The following LINGO2 variants were observed in gnomAD, a reference collection of about 807,000 sequenced individuals.
LINGO2 encodes the protein leucine rich repeat and Ig domain containing 2.
Under a neutral mutation model 30.6 loss-of-function variants are expected in LINGO2, and 14 were observed. The ratio of observed to expected loss-of-function variants is 0.46; its 90% CI spans 0.30 to 0.72. The LOEUF (loss-of-function observed/expected upper bound fraction) is 0.72. Ranked by LOEUF, LINGO2 falls within the 30% of genes least tolerant of loss-of-function variation. LINGO2 has a pLI of 0.07. For synonymous variants in LINGO2, 317 were observed against 288.5 expected (o/e 1.10, Z -1.00); for missense variants, 729 against 751.7 (o/e 0.97, Z 0.35).
chr9:28,617,735 T>A lies in LINGO2; in HGVS notation c.-365+52465A>T, dbSNP rs74520956. Among the ~76,000 whole-genome samples the A allele has an allele frequency of 3.3e-5, 5 of 152,188 alleles. No individual in the cohort carries two copies. In the South Asian group the frequency reaches 6.2e-4, roughly 19 times the overall value. On this transcript the variant is annotated intron_variant, in intron 1 of 5. Coordinates refer to ENST00000379992, the Ensembl canonical transcript of LINGO2. The stretch of plus-strand genomic sequence containing the variant: ...CCTGTTTTCATCTTTACTTTTTTTT[T>A]ATTTTCATAATTACAACCTTACGTA...
At chr9:28,158,790 A>C (rs990067447) in intron 4 of LINGO2, among the ~76,000 whole-genome samples, 4 of 152,214 alleles carry the variant, frequency 2.6e-5, no homozygotes, top group Non-Finnish European at 5.9e-5. Flanking sequence ...TCACAGGGGA[A>C]GAATCTGACT....
Position 28,575,603 on chromosome 9 carries a change from C to T in LINGO2, c.-365+94597G>A, listed in dbSNP as rs143816056. Among the ~76,000 whole-genome samples the T allele has an allele frequency of 1.4e-3, 215 of 151,916 alleles. 9 individuals carry two copies. The East Asian group carries it at 0.035, about 25-fold the overall frequency. ...TAACTTTTGTATACTATGCCCGCTA[C>T]CTGGGTGACAGGACCACTCATACAC... On this transcript the variant is annotated intron_variant, in intron 1 of 5. Coordinates refer to ENST00000379992, the Ensembl canonical transcript of LINGO2.
At chr9:28,114,076 A>G (rs1361415019) in intron 4 of LINGO2, among the ~76,000 whole-genome samples, 9 of 42,156 alleles carry the variant, frequency 2.1e-4, no homozygotes, top group East Asian at 1.7e-3. Context: ...ATTATTTTGA[A>G]ATATGTCCCA....
the LINGO2 span, among the ~76,000 whole-genome samples, chr9:29,183,310 G>C: frequency 6.6e-6 from 1 of 152,272 alleles, no homozygotes; most frequent in South Asian, 2.1e-4. Flanking sequence ...AATGAACAGT[G>C]AAAGAACTAT....
chr9:28,656,898 T>C (rs1213207719), intron 1 of LINGO2, among the ~76,000 whole-genome samples: 1 of 152,050 alleles, frequency 6.6e-6, no homozygotes, highest in East Asian at 1.9e-4. Flanking sequence ...CTCTCTCTCC[T>C]AGATCGTGCA....
chr9:28,657,060 A>G (rs1212794934), intron 1 of LINGO2, among the ~76,000 whole-genome samples: 2 of 152,124 alleles, frequency 1.3e-5, no homozygotes, highest in Non-Finnish European at 2.9e-5. Context: ...GAAGATAACC[A>G]TACATAAAGA....
the LINGO2 span, among the ~76,000 whole-genome samples, chr9:28,811,683 T>C: frequency 6.6e-6 from 1 of 152,174 alleles, no homozygotes; most frequent in South Asian, 2.1e-4. Flanking sequence ...GACTGCTTTG[T>C]TATCATTCTA....
At chr9:28,123,411 C>A (rs142120101) in intron 4 of LINGO2, among the ~76,000 whole-genome samples, 15 of 152,272 alleles carry the variant, frequency 9.9e-5, no homozygotes, top group African/African-American at 3.4e-4. Context: ...CAGTGTCTTC[C>A]TGTTTCTTTC....
At chr9:28,779,847 TA>T in the LINGO2 span, among the ~76,000 whole-genome samples, 1 of 152,148 alleles carries the variant, frequency 6.6e-6, no homozygotes, top group African/African-American at 2.4e-5. Context: ...GATGGCATGT[TA>T]TAGAACCATT....
chr9:28,009,605 GA>G (rs1440599368), intron 5 of LINGO2, among the ~76,000 whole-genome samples: 4 of 151,918 alleles, frequency 2.6e-5, no homozygotes, highest in Non-Finnish European at 5.9e-5. Flanking sequence ...CTAAACACAT[GA>G]AAAAAATATT....
chr9:29,069,522 A>T, the LINGO2 span, among the ~76,000 whole-genome samples: 1 of 152,026 alleles, frequency 6.6e-6, no homozygotes. Context: ...CTCTTTTAAG[A>T]GCAAAAGATT....
At chr9:28,151,733 AATG>A (rs1438750714) in intron 4 of LINGO2, among the ~76,000 whole-genome samples, 1 of 152,014 alleles carries the variant, frequency 6.6e-6, no homozygotes, top group East Asian at 1.9e-4. Flanking sequence ...TTATATTCTA[AATG>A]ATGACTCAGA....
chr9:28,631,149 C>CTTTA (rs894049717), intron 1 of LINGO2, among the ~76,000 whole-genome samples: 4 of 151,666 alleles, frequency 2.6e-5, no homozygotes, highest in Admixed American at 1.3e-4. Context: ...TGCTTTATCA[C>CTTTA]TTTATTTATT....
intron 4 of LINGO2, among the ~76,000 whole-genome samples, chr9:28,077,229 T>C (rs1825650923): frequency 6.6e-6 from 1 of 152,056 alleles, no homozygotes; most frequent in Admixed American, 6.6e-5. Flanking sequence ...ATGGTATACA[T>C]ACATACAAGT....
At chr9:28,886,377 T>C in the LINGO2 span, among the ~76,000 whole-genome samples, 4 of 152,244 alleles carry the variant, frequency 2.6e-5, no homozygotes, top group South Asian at 8.3e-4. Context: ...TAAAATGGTA[T>C]ATTCCTTCTA....
At position 28,190,236 on chromosome 9, in the gene LINGO2, A is replaced by G. The variant is rs958324471; in HGVS notation, c.-87+104972T>C. On this transcript the variant is annotated intron_variant, in intron 4 of 5. Coordinates refer to ENST00000379992, the Ensembl canonical transcript of LINGO2. The stretch of plus-strand genomic sequence containing the variant: ...CTTTAAGGGTTGATAAACTTCCCCA[A>G]TTGTAAAATTTGGGAGTGTATCTGT... 5.3e-5 allele frequency among the ~76,000 whole-genome samples: 8 copies of G among 152,240 alleles called. No individual in the cohort carries two copies. The East Asian group carries it at 5.8e-4, about 11-fold the overall frequency.
chr9:28,241,028 T>C (rs1055355283), intron 4 of LINGO2, among the ~76,000 whole-genome samples: 1 of 152,032 alleles, frequency 6.6e-6, no homozygotes, highest in Non-Finnish European at 1.5e-5. Flanking sequence ...TCCAACACTT[T>C]GGGAGGCCAA....
the LINGO2 span, among the ~76,000 whole-genome samples, chr9:28,679,700 G>A: frequency 2.0e-5 from 3 of 151,908 alleles, no homozygotes; most frequent in Admixed American, 6.6e-5. Context: ...TGTAGATATG[G>A]AGATAAAAAC....
intron 4 of LINGO2, among the ~76,000 whole-genome samples, chr9:28,190,472 A>G (rs1000377349): frequency 1.3e-5 from 2 of 152,126 alleles, no homozygotes; most frequent in African/African-American, 4.8e-5. Flanking sequence ...AGATGTGATT[A>G]TGTCCTGAGA....
Sources: allele counts gnomAD v4.1 joint callset (sites outside exome capture counted in the v4.1 genomes callset), GRCh38; gene constraint gnomAD v4.1.1; transcripts MANE v1.5; gene names NCBI Gene and HGNC (gene_info 2026-07-23, HGNC 2026-07-21).